PDZD7: variants seen among roughly 807,000 people sequenced by gnomAD.
The protein encoded by PDZD7 is PDZ domain containing 7.
A neutral mutation model predicts 84.7 loss-of-function variants in PDZD7; 72 were observed. The ratio of observed to expected loss-of-function variants is 0.85; its 90% confidence interval spans 0.70 to 1.03. The LOEUF is 1.03. PDZD7 is among the 50% of genes least tolerant of loss of function. The pLI is 0.00. For missense variants in PDZD7, 1,490 were observed against 1,412.9 expected (o/e 1.05, Z -0.87); for synonymous variants, 594 against 580.7 (o/e 1.02, Z -0.33).
chr10:101,030,041 G>T lies in PDZD7; in HGVS notation c.179C>A (p.Ala60Asp), dbSNP rs1938002391. 1.9e-6 allele frequency: 3 copies of T among 1,613,854 alleles called. No homozygotes were observed. Among genetic ancestry groups the T allele is most frequent in the Admixed American group, 1.7e-5 (1 of 60,012 alleles). ...LLNGPPRGIR[A>D]SSPMGRVILI... ...GATGACGCGTCCCATGGGCGATGAG[G>T]CTCGGATTCCGCGGGGGGGCCCGTT... Residue 60 changes from alanine (A) to aspartate (D), a missense_variant, in exon 2 of 17, where the codon GCC becomes GAC. Ala to Asp is a moderately radical substitution (Grantham distance 126). Transcript: ENST00000619208.
At chr10:101,016,699 A>C (rs1190337781) in intron 9 of PDZD7, among the ~76,000 whole-genome samples, 1 of 152,190 alleles carries the variant, frequency 6.6e-6, no homozygotes, top group African/African-American at 2.4e-5. Context: ...GTATGGAGGG[A>C]AGAACCTCAG....
rs1046474216 is a variant in PDZD7, at chr10:101,010,778, G to A, written c.2111C>T (p.Ala704Val). ...TTTATGGGGGTGGCGAGGGGCAGAG[G>A]CACTTGGGGAGACCTTGAGGGCCCC... is the stretch of plus-strand genomic sequence containing the variant. The part of the protein sequence containing the change: ...RLGALKVSPS[A>V]SAPRHPHKGI... The change falls in exon 15 of 17, where the codon GCC becomes GTC. Residue 704 changes from alanine (A) to valine (V), a missense_variant. Physicochemically the swap from Ala to Val is moderately conservative, Grantham distance 64. Transcript: ENST00000619208. The A allele has an allele frequency of 5.2e-6, 8 of 1,535,502 alleles. No individual in the cohort carries two copies. The highest frequency in any genetic ancestry group is 2.0e-5 in the Admixed American group (1 of 50,988).
chr10:101,022,426 C>T (rs1853171183), intron 4 of PDZD7, 41 bp from the exon 5 acceptor site: 1 of 1,610,040 alleles, frequency 6.2e-7, no homozygotes. Context: ...GTCCTCCATC[C>T]ACTGCCACCC....
chr10:101,008,174 C>A lies in PDZD7; in HGVS notation c.*293G>T. On this transcript the variant is annotated 3_prime_UTR_variant, in exon 17 of 17. Coordinates refer to ENST00000619208, the MANE Select transcript of PDZD7 (RefSeq NM_001195263.2). ...GGACAGCATGTGAGAAAGTGCCCACCAATCCCAAGCTCCAGACCTTGGCTT... is the reference window on the plus strand; with the variant it reads ...GGACAGCATGTGAGAAAGTGCCCACAAATCCCAAGCTCCAGACCTTGGCTT... 2.2e-6 allele frequency: 1 copy of A among 462,892 alleles called. No homozygotes were observed. Among genetic ancestry groups the A allele is most frequent in the Non-Finnish European group, 3.8e-6 (1 of 262,318 alleles). 28.7% of individuals were successfully genotyped at this position (462,892 alleles called of 1,614,324 possible).
intron 9 of PDZD7, among the ~76,000 whole-genome samples, chr10:101,017,042 C>T (rs1852661920): frequency 6.6e-6 from 1 of 152,158 alleles, no homozygotes; most frequent in African/African-American, 2.4e-5. Context: ...TGGGGACCCA[C>T]CCCACTCTGT....
intron 8 of PDZD7, 131 bp from the exon 9 acceptor site, chr10:101,018,427 G>A (rs1852840730): frequency 3.1e-6 from 3 of 978,290 alleles, no homozygotes; most frequent in African/African-American, 3.2e-5. Flanking sequence ...ACGCCGGGGT[G>A]AGAGTGCGGT....
In PDZD7 at chr10:101,010,511, C is replaced by T. The variant is rs1454482891; in HGVS notation, c.2378G>A (p.Gly793Asp). 1 of 1,533,162 alleles carries T rather than the reference C, an allele frequency of 6.5e-7. No homozygotes were observed. Among genetic ancestry groups the T allele is most frequent in the African/African-American group, 1.4e-5 (1 of 72,934 alleles). 95.0% of individuals were successfully genotyped at this position (1,533,162 alleles called of 1,614,324 possible). A position where few individuals can be genotyped will look rare whatever the true frequency, so the allele number is the denominator to read the frequency against. Residue 793 changes from glycine to aspartate, a missense_variant, in exon 15 of 17, where the codon GGT becomes GAT. Physicochemically the swap from Gly to Asp is moderately conservative, Grantham distance 94. Transcript: ENST00000619208. ...RSSRGQGKSP[G>D]RRSPSPVPTP... ...AGGCACCGGGGATGGGGAGCGTCTA[C>T]CTGGAGACTTGCCTTGACCCCGGCT...
Position 101,015,634 on chromosome 10 carries a change from A to C in PDZD7, c.1749+2T>G. On this transcript the variant is annotated splice_donor_variant, in intron 11 of 16. Transcript: ENST00000619208. LOFTEE classifies it high-confidence loss of function. ...AGGGCTGCGGATGGGATGAAGGCTT[A>C]CCCGGGAGCAGTGGCGGGTGACAGC... 5.2e-6 allele frequency: 8 copies of C among 1,550,196 alleles called. No homozygotes were observed. The highest frequency in any genetic ancestry group is 7.0e-6 in the Non-Finnish European group (8 of 1,146,774).
At chr10:101,023,686 T>C in intron 3 of PDZD7, 76 bp from the exon 4 acceptor site, 1 of 1,554,990 alleles carries the variant, frequency 6.4e-7, no homozygotes, top group Non-Finnish European at 8.8e-7. Flanking sequence ...TGGAGCTCCC[T>C]GGGGTCAAAC....
At position 101,010,351 on chromosome 10, in the gene PDZD7, C is replaced by G. The variant is rs111750275; in HGVS notation, c.2538G>C (p.Gly846=). 481 of 1,535,484 alleles carry G rather than the reference C, an allele frequency of 3.1e-4. 3 individuals are homozygous for G. The African/African-American group carries it at 4.9e-3, about 16-fold the overall frequency. ...KQGPSESGTE[G]TAKEAAMKNP... Reference sequence around the variant, plus strand: ...TCTTCATGGCTGCCTCCTTGGCCGTCCCCTCAGTTCCACTCTCCGAGGGCC... The same window carrying G: ...TCTTCATGGCTGCCTCCTTGGCCGTGCCCTCAGTTCCACTCTCCGAGGGCC... Residue 846 remains glycine, a synonymous_variant, in exon 15 of 17, where the codon GGG becomes GGC. Coordinates refer to ENST00000619208, the MANE Select transcript of PDZD7 (RefSeq NM_001195263.2).
At chr10:101,023,070 CTTTTTTTTTTT>C (rs1161602421) in intron 4 of PDZD7, 73 of 127,868 alleles carry the variant, frequency 5.7e-4, no homozygotes, top group Middle Eastern at 3.8e-3. Context: ...CCATGCCCGG[CTTTTTTTTTTT>C]TTTTTTTTTT....
At position 101,010,528 on chromosome 10, in the gene PDZD7, A is replaced by T. The variant is rs1325334051; in HGVS notation, c.2361T>A (p.Gly787=). The T allele has an allele frequency of 1.3e-6, 2 of 1,510,516 alleles. No individual in the cohort carries two copies. The highest frequency in any genetic ancestry group is 4.9e-5 in the East Asian group (2 of 40,642). 93.6% of individuals were successfully genotyped at this position (1,510,516 alleles called of 1,614,324 possible). A position where few individuals can be genotyped will look rare whatever the true frequency, so the allele number is the denominator to read the frequency against. Residue 787 remains glycine, a synonymous_variant, in exon 15 of 17, where the codon GGT becomes GGA. Coordinates refer to ENST00000619208, the MANE Select transcript of PDZD7 (RefSeq NM_001195263.2). ...AGCGTCTACCTGGAGACTTGCCTTG[A>T]CCCCGGCTGCTGCGGCTGCGGCTGC... is the stretch of plus-strand genomic sequence containing the variant. The part of the protein sequence containing the change: ...RSRSRSRSSR[G]QGKSPGRRSP...
chr10:101,011,879 C>G lies in PDZD7; in HGVS notation c.1933+46G>C, dbSNP rs142872752. ...CTCCACCACGGGGTCCCATCCCCAC[C>G]CCCAGCAGGGCTCAGGACCCAGAAG... On this transcript the variant is annotated intron_variant, in intron 13 of 16. Coordinates refer to ENST00000619208, the MANE Select transcript of PDZD7 (RefSeq NM_001195263.2). 2,663 of 1,549,412 alleles carry G rather than the reference C, an allele frequency of 1.7e-3. 37 individuals carry two copies. The African/African-American group carries it at 0.031, about 18-fold the overall frequency.
At chr10:101,009,431 C>G in intron 15 of PDZD7, 81 bp from the exon 16 acceptor site, 4 of 1,159,092 alleles carry the variant, frequency 3.5e-6, no homozygotes, top group Non-Finnish European at 5.0e-6. Flanking sequence ...AGAATCCCAT[C>G]CCCAAATCCA....
rs1198135826 is a variant in PDZD7 at position 101,008,507 on chromosome 10, G to A, written c.3062C>T (p.Thr1021Ile). The change falls in exon 17 of 17, where the codon ACT (threonine) becomes ATT (isoleucine). Residue 1021 changes from threonine to isoleucine, a missense_variant. Physicochemically the swap from Thr to Ile is moderately conservative, Grantham distance 89. Coordinates refer to ENST00000619208, the MANE Select transcript of PDZD7 (RefSeq NM_001195263.2). ...PSPAPSPALQ[T>I]PDSKPAPSPR... ...GGAGGGTGCGGGCTTAGAATCAGGA[G>A]TCTGGAGGGCTGGGGAGGGGGCTGG... The A allele has an allele frequency of 6.5e-7, 1 of 1,532,392 alleles. No homozygotes were observed. Among genetic ancestry groups the A allele is most frequent in the Non-Finnish European group, 8.7e-7 (1 of 1,145,276 alleles). The allele number at this position is 1,532,392 out of a possible 1,614,324, so 94.9% of individuals were successfully genotyped here.
At chr10:101,026,368 C>G (rs181664191) in intron 2 of PDZD7, among the ~76,000 whole-genome samples, 5 of 151,880 alleles carry the variant, frequency 3.3e-5, no homozygotes, top group African/African-American at 1.2e-4. Flanking sequence ...CTCCTAACCT[C>G]AAGTGATCCA....
intron 15 of PDZD7, among the ~76,000 whole-genome samples, chr10:101,009,950 G>A (rs767882830): frequency 2.6e-5 from 4 of 151,788 alleles, no homozygotes; most frequent in Non-Finnish European, 4.4e-5. Flanking sequence ...GTGCAGTGGC[G>A]CAACCTCAGT....
intron 2 of PDZD7, among the ~76,000 whole-genome samples, chr10:101,025,649 G>A (rs183057758): frequency 0.026 from 3,990 of 151,458 alleles, 80 homozygotes; most frequent in Non-Finnish European, 0.044. Flanking sequence ...CCAGGTTCAC[G>A]CTATTCTCCT....
At chr10:101,017,843 G>GAAAGAAAGAA in intron 9 of PDZD7, 1 of 282,044 alleles carries the variant, frequency 3.5e-6, no homozygotes, top group South Asian at 5.9e-5. Context: ...AGGAAGGAAA[G>GAAAGAAAGAA]AAAGAAAGAA....
Sources: gnomAD v4.1 joint callset for allele counts (sites outside exome capture counted in the v4.1 genomes callset) on GRCh38, gnomAD v4.1.1 for gene constraint, MANE v1.5 for transcripts, NCBI Gene and HGNC (gene_info 2026-07-23, HGNC 2026-07-21) for gene names.